Variants in AGAP1 observed in about 807,000 individuals in gnomAD.
AGAP1 encodes arf-GAP with GTPase, ANK repeat and PH domain-containing protein 1.
AGAP1 carries 29 observed loss-of-function variants against 105.3 expected under a neutral mutation model. That is an observed-to-expected ratio of 0.28 (90% CI 0.21 to 0.38). The LOEUF is 0.38. Ranked by LOEUF, AGAP1 falls within the 10% of genes least tolerant of loss-of-function variation. The pLI is 1.00. For synonymous variants in AGAP1, 509 were observed against 485.9 expected, an observed-to-expected ratio of 1.05 and a Z score of -0.63; for missense variants, 998 against 1,165.1, an observed-to-expected ratio of 0.86 and a Z score of 2.09.
chr2:235,883,249 C>A lies in AGAP1; in HGVS notation c.1051-96C>A. On this transcript the variant is annotated intron_variant, in intron 9 of 17. Transcript: ENST00000304032. The surrounding 1 kb of genome is among the most constrained non-coding windows in gnomAD (Gnocchi z 4.5). ...CAGTATCACAGAGTGAAGTTCTGCACACACACAGAACTTGAATGTATATGT... is the reference window on the plus strand; with the variant it reads ...CAGTATCACAGAGTGAAGTTCTGCAAACACACAGAACTTGAATGTATATGT... The A allele has an allele frequency of 2.0e-6, 2 of 997,728 alleles. No homozygotes were observed. Among genetic ancestry groups the A allele is most frequent in the Non-Finnish European group, 3.1e-6 (2 of 646,192 alleles). The allele number at this position is 997,728 out of a possible 1,614,324, so 61.8% of individuals were successfully genotyped here.
chr2:235,897,859 G>C (rs972662817), intron 10 of AGAP1, among the ~76,000 whole-genome samples: 11 of 152,208 alleles, frequency 7.2e-5, no homozygotes, highest in Non-Finnish European at 1.5e-4. Context: ...TTGTTGCTGA[G>C]GTCTTGGAAG....
chr2:235,587,577 C>A (rs1165405965), intron 1 of AGAP1, among the ~76,000 whole-genome samples: 5 of 151,876 alleles, frequency 3.3e-5, no homozygotes, highest in Non-Finnish European at 7.4e-5. Context: ...CATGGTGAAA[C>A]CCCATCTCTA....
chr2:235,863,863 A>G (rs968666813), intron 9 of AGAP1, among the ~76,000 whole-genome samples: 1 of 152,224 alleles, frequency 6.6e-6, no homozygotes, highest in Non-Finnish European at 1.5e-5. Context: ...TGAGCATTGA[A>G]GAGTCAGGTG....
Position 235,891,170 on chromosome 2 carries a change from C to T in AGAP1, c.1155+7721C>T, listed in dbSNP as rs1295589378. On this transcript the variant is annotated intron_variant, in intron 10 of 17. Transcript: ENST00000304032. The surrounding 1 kb of genome is among the most constrained non-coding windows in gnomAD (Gnocchi z 4.2). ...AGTCCCAGGCAATCTGGGACCTGGC[C>T]GCACTTGCTGCAGTACTGACCGCCC... Among the ~76,000 whole-genome samples the T allele has an allele frequency of 2.6e-5, 4 of 152,112 alleles. No homozygotes were observed. The highest frequency in any genetic ancestry group is 4.4e-5 in the Non-Finnish European group (3 of 68,022).
At chr2:235,617,684 A>G (rs1946350715) in intron 1 of AGAP1, among the ~76,000 whole-genome samples, 1 of 152,222 alleles carries the variant, frequency 6.6e-6, no homozygotes, top group East Asian at 1.9e-4. Flanking sequence ...CCTTGGCGAC[A>G]GACTGAGATT....
At position 235,953,163 on chromosome 2, in the gene AGAP1, T is replaced by C. The variant is rs1213513142; in HGVS notation, c.1484-15299T>C. On this transcript the variant is annotated intron_variant, in intron 12 of 17. Coordinates refer to ENST00000304032, the MANE Select transcript of AGAP1 (RefSeq NM_001037131.3). This position sits in a 1 kb window ranked among gnomAD's most constrained non-coding sequence, Gnocchi z 5.2. Reference sequence around the variant, plus strand: ...TTCCTGTCCACAGTTTAGGAGAGAGTCTTGAAATCACCTGGAACAAGAAGT... The same window carrying C: ...TTCCTGTCCACAGTTTAGGAGAGAGCCTTGAAATCACCTGGAACAAGAAGT... Among the ~76,000 whole-genome samples the C allele has an allele frequency of 6.6e-6, 1 of 152,062 alleles. No individual in the cohort carries two copies. The highest frequency in any genetic ancestry group is 1.5e-5 in the Non-Finnish European group (1 of 68,020).
At position 235,981,278 on chromosome 2, in the gene AGAP1, G is replaced by A. The variant is rs1045860993; in HGVS notation, c.1645+12655G>A. ...TGACTCTTCTTAATTAAATAAATAG[G>A]TAGCTTTGTTCTTTGGCTTGATTAT... On this transcript the variant is annotated intron_variant, in intron 13 of 17. Coordinates refer to ENST00000304032, the MANE Select transcript of AGAP1 (RefSeq NM_001037131.3). The surrounding 1 kb of genome is among the most constrained non-coding windows in gnomAD (Gnocchi z 5.5). 3.9e-5 allele frequency among the ~76,000 whole-genome samples: 6 copies of A among 152,108 alleles called. No homozygotes were observed. The highest frequency in any genetic ancestry group is 5.9e-5 in the Non-Finnish European group (4 of 68,014).
At chr2:236,004,045 A>AT (rs1559182195) in intron 13 of AGAP1, among the ~76,000 whole-genome samples, 1 of 152,162 alleles carries the variant, frequency 6.6e-6, no homozygotes, top group African/African-American at 2.4e-5. Context: ...GGCACCTCGT[A>AT]TCTTGTGCCC....
chr2:235,954,786 G>A (rs960713286), intron 12 of AGAP1, among the ~76,000 whole-genome samples: 6 of 151,754 alleles, frequency 4.0e-5, no homozygotes, highest in African/African-American at 1.2e-4. Context: ...AACTCTCTCC[G>A]TTTGCTGGAA....
At position 235,691,396 on chromosome 2, in the gene AGAP1, C is replaced by T. The variant is rs1480579980; in HGVS notation, c.164-17783C>T. ...TTACTTTTGGAGACAGGAATTGTTA[C>T]ACGTCTCCGTTGCGAGAAGCAAAAG... On this transcript the variant is annotated intron_variant, in intron 1 of 17. Transcript: ENST00000304032. This position sits in a 1 kb window ranked among gnomAD's most constrained non-coding sequence, Gnocchi z 4.4. Among the ~76,000 whole-genome samples, 1 of 152,244 alleles carries T rather than the reference C, an allele frequency of 6.6e-6. No homozygotes were observed. Among genetic ancestry groups the T allele is most frequent in the Non-Finnish European group, 1.5e-5 (1 of 68,048 alleles).
chr2:235,595,502 T>C (rs188187468), intron 1 of AGAP1, among the ~76,000 whole-genome samples: 2 of 152,218 alleles, frequency 1.3e-5, no homozygotes, highest in Non-Finnish European at 2.9e-5. Flanking sequence ...TATAGCACTT[T>C]CAATTATGCT....
intron 1 of AGAP1, among the ~76,000 whole-genome samples, chr2:235,630,180 G>C (rs1946780737): frequency 6.6e-6 from 1 of 151,860 alleles, no homozygotes; most frequent in African/African-American, 2.4e-5. Flanking sequence ...TCACACGATT[G>C]TTAATATTTT....
At position 235,971,741 on chromosome 2, in the gene AGAP1, TTTTATTTA is replaced by T. The variant is rs199729717; in HGVS notation, c.1645+3157_1645+3164del. Among the ~76,000 whole-genome samples, 16,850 of 145,632 alleles carry T rather than the reference TTTTATTTA, an allele frequency of 0.12. 1,233 individuals are homozygous for T. The highest frequency in any genetic ancestry group is 0.27 in the South Asian group (1,235 of 4,610). ...ACTAAAGCTAGTTATATATGTTTTA[TTTTATTTA>T]TTTATTTATTTATTTATTTATTTAT... On this transcript the variant is annotated intron_variant, in intron 13 of 17. Transcript: ENST00000304032. The surrounding 1 kb of genome is among the most constrained non-coding windows in gnomAD (Gnocchi z 4.8).
chr2:235,818,944 G>A (rs1006244559), intron 9 of AGAP1, among the ~76,000 whole-genome samples: 1 of 152,184 alleles, frequency 6.6e-6, no homozygotes, highest in African/African-American at 2.4e-5. Context: ...GCACCAGCAA[G>A]GCAGGCTGTT....
chr2:235,670,135 G>A, intron 1 of AGAP1: 6 of 574,752 alleles, frequency 1.0e-5, no homozygotes, highest in South Asian at 1.8e-5. Context: ...AGCCCGCGTC[G>A]CCACCCGCGG....
At chr2:235,682,423 G>C (rs1180046608) in intron 1 of AGAP1, among the ~76,000 whole-genome samples, 1 of 151,760 alleles carries the variant, frequency 6.6e-6, no homozygotes, top group African/African-American at 2.4e-5. Context: ...GCTCACTGCA[G>C]CCTCTGCCTC....
chr2:235,935,047 G>C (rs2052922761), intron 12 of AGAP1, among the ~76,000 whole-genome samples: 1 of 152,178 alleles, frequency 6.6e-6, no homozygotes, highest in Non-Finnish European at 1.5e-5. Flanking sequence ...CTACAAAACA[G>C]GAGGTGCTGC....
intron 6 of AGAP1, among the ~76,000 whole-genome samples, chr2:235,766,628 T>G (rs1954977115): frequency 6.6e-6 from 1 of 152,218 alleles, no homozygotes; most frequent in African/African-American, 2.4e-5. Context: ...AAAGATGAAA[T>G]GTTATATTCT....
At position 235,574,842 on chromosome 2, in the gene AGAP1, G is replaced by A. The variant is rs928698712; in HGVS notation, c.163+79993G>A. On this transcript the variant is annotated intron_variant, in intron 1 of 17. Transcript: ENST00000304032. This position sits in a 1 kb window ranked among gnomAD's most constrained non-coding sequence, Gnocchi z 5.0. ...GGTTTAGAATCTAAACTTTGTTGAGGCTGGGCGCAGTGGAGCACGCGTGTA... is the reference window on the plus strand; with the variant it reads ...GGTTTAGAATCTAAACTTTGTTGAGACTGGGCGCAGTGGAGCACGCGTGTA... Among the ~76,000 whole-genome samples the A allele has an allele frequency of 6.6e-6, 1 of 152,172 alleles. No individual in the cohort carries two copies. Among genetic ancestry groups the A allele is most frequent in the East Asian group, 1.9e-4 (1 of 5,190 alleles).
Sources: gnomAD v4.1 joint callset for allele counts (sites outside exome capture counted in the v4.1 genomes callset) on GRCh38, gnomAD v4.1.1 for gene constraint, Gnocchi (gnomAD v3.1) non-coding constraint, MANE v1.5 for transcripts, NCBI Gene and HGNC (gene_info 2026-07-23, HGNC 2026-07-21) for gene names.